NLRP5: variants seen among roughly 807,000 people sequenced by gnomAD.
The protein encoded by NLRP5 is NLR family pyrin domain containing 5.
NLRP5 carries 93 observed loss-of-function variants against 113.1 expected under a neutral mutation model. The ratio of observed to expected loss-of-function variants is 0.82; its 90% CI spans 0.70 to 0.98. The LOEUF is 0.98. Ranked by LOEUF, NLRP5 falls within the 50% of genes least tolerant of loss-of-function variation. The pLI is 0.00. For synonymous variants in NLRP5, 751 were observed against 600.7 expected, an observed-to-expected ratio of 1.25 and a Z score of -3.66; for missense variants, 1,808 against 1,514.3, an observed-to-expected ratio of 1.19 and a Z score of -3.22.
intron 3 of NLRP5, among the ~76,000 whole-genome samples, chr19:56,010,742 CAA>C (rs1412317286): frequency 2.4e-5 from 1 of 41,270 alleles, no homozygotes; most frequent in Non-Finnish European, 4.3e-5. Context: ...AACTCTGTCT[CAA>C]AAAAAAAAAA....
chr19:56,030,339 C>A (rs1983048005), intron 7 of NLRP5, among the ~76,000 whole-genome samples: 1 of 151,932 alleles, frequency 6.6e-6, no homozygotes, highest in African/African-American at 2.4e-5. Flanking sequence ...CACTGTGCTC[C>A]AACCTGGGTG....
At chr19:55,991,104 T>G in the NLRP5 span, among the ~76,000 whole-genome samples, 14 of 152,322 alleles carry the variant, frequency 9.2e-5, no homozygotes, top group African/African-American at 3.4e-4. Flanking sequence ...AGCGGGACTT[T>G]AAAGATTTGT....
At chr19:55,989,574 G>C in the NLRP5 span, among the ~76,000 whole-genome samples, 30,889 of 152,062 alleles carry the variant, frequency 0.2, 3,566 homozygotes, top group Non-Finnish European at 0.26. Flanking sequence ...TAATTTGAAA[G>C]AGCAGCAATA....
chr19:55,991,837 C>A, the NLRP5 span, among the ~76,000 whole-genome samples: 51 of 152,076 alleles, frequency 3.4e-4, no homozygotes, highest in African/African-American at 1.2e-3. Flanking sequence ...GGAGAGAGTA[C>A]AAAACTGAAC....
At chr19:55,998,898 C>T (rs137942976), upstream of NLRP5, among the ~76,000 whole-genome samples, 1 of 151,164 alleles carries the variant, frequency 6.6e-6, no homozygotes, top group Admixed American at 6.6e-5. Context: ...TGTCCATTGC[C>T]TTAGTTACTT....
In NLRP5 at chr19:56,004,042, T is replaced by C; in HGVS notation, c.389T>C (p.Phe130Ser). 6.2e-7 allele frequency: 1 copy of C among 1,613,382 alleles called. No homozygotes were observed. The highest frequency in any genetic ancestry group is 8.5e-7 in the Non-Finnish European group (1 of 1,179,648). The change falls in exon 2 of 15, where the codon TTT becomes TCT. Residue 130 changes from phenylalanine to serine, a missense_variant. Physicochemically the swap from Phe to Ser is radical, Grantham distance 155 (BLOSUM62 -2). Coordinates refer to ENST00000390649, the MANE Select transcript of NLRP5 (RefSeq NM_153447.4). ...GCCTGGGCTACGTCCATTAGCATCT[T>C]TGAAAACATGAACCTGCGAACCCTC...
chr19:56,002,529 T>TA (rs1346326975), intron 1 of NLRP5, among the ~76,000 whole-genome samples: 1 of 151,730 alleles, frequency 6.6e-6, no homozygotes, highest in East Asian at 1.9e-4. Context: ...GTTTGTTACA[T>TA]ATGTATACAC....
At chr19:56,010,741 T>TC (rs201968318) in intron 3 of NLRP5, among the ~76,000 whole-genome samples, 16 of 5,614 alleles carry the variant, frequency 2.9e-3, no homozygotes, top group African/African-American at 8.0e-3. Flanking sequence ...TAACTCTGTC[T>TC]CAAAAAAAAA....
intron 7 of NLRP5, among the ~76,000 whole-genome samples, chr19:56,030,714 C>CTTTTTTTTTTTTTTTTT (rs770624516): frequency 0.013 from 930 of 71,276 alleles, 192 homozygotes; most frequent in East Asian, 0.022. Flanking sequence ...CTTTCTTCTT[C>CTTTTTTTTTTTTTTTTT]TTTTTTTTTT....
In NLRP5 at chr19:56,004,406, G is replaced by A. The variant is rs142016950; in HGVS notation, c.442+311G>A. Among the ~76,000 whole-genome samples, 1,073 of 152,244 alleles carry A rather than the reference G, an allele frequency of 7.0e-3. 14 individuals are homozygous for A. The highest frequency in any genetic ancestry group is 0.024 in the African/African-American group (992 of 41,546). ...TATCACGGGTCGGTTGTGAGACTTCGGGCATGTCTCCTTCTGTTCTGACCC... is the reference window on the plus strand; with the variant it reads ...TATCACGGGTCGGTTGTGAGACTTCAGGCATGTCTCCTTCTGTTCTGACCC... On this transcript the variant is annotated intron_variant, in intron 2 of 14. Coordinates refer to ENST00000390649, the MANE Select transcript of NLRP5 (RefSeq NM_153447.4).
At chr19:56,026,766 C>T (rs886896921) in intron 6 of NLRP5, 147 bp from the exon 7 acceptor site, 35 of 748,404 alleles carry the variant, frequency 4.7e-5, no homozygotes, top group Middle Eastern at 7.8e-4. Flanking sequence ...TTATTAGAGA[C>T]GGGGCTTTGC....
chr19:56,051,335 G>C (rs1983925010), intron 12 of NLRP5, among the ~76,000 whole-genome samples: 1 of 152,144 alleles, frequency 6.6e-6, no homozygotes, highest in African/African-American at 2.4e-5. Context: ...TGGGATTACA[G>C]GCATGTGCCA....
At chr19:56,030,608 C>T (rs113238424) in intron 7 of NLRP5, among the ~76,000 whole-genome samples, 80 of 152,084 alleles carry the variant, frequency 5.3e-4, no homozygotes, top group African/African-American at 1.9e-3. Context: ...ACGTGCGCAG[C>T]CACAGGCTAA....
intron 3 of NLRP5, 50 bp downstream of exon 3, chr19:56,008,903 C>A: frequency 6.6e-7 from 1 of 1,519,130 alleles, no homozygotes; most frequent in Non-Finnish European, 9.1e-7. Flanking sequence ...AGACACATGG[C>A]AGCCAGTTTG....
At chr19:56,006,841 G>A (rs1479201253) in intron 2 of NLRP5, among the ~76,000 whole-genome samples, 1 of 151,720 alleles carries the variant, frequency 6.6e-6, no homozygotes, top group Non-Finnish European at 1.5e-5. Context: ...CCGGGTTCAT[G>A]CCATTCTCCT....
intron 11 of NLRP5, among the ~76,000 whole-genome samples, chr19:56,048,973 T>TA (rs1267313746): frequency 4.2e-5 from 3 of 70,874 alleles, no homozygotes; most frequent in African/African-American, 1.4e-4. Context: ...CTGATTTTTT[T>TA]TTTTAATTTT....
intron 12 of NLRP5, among the ~76,000 whole-genome samples, chr19:56,052,037 T>C (rs1983949193): frequency 6.6e-6 from 1 of 152,204 alleles, no homozygotes; most frequent in Non-Finnish European, 1.5e-5. Context: ...CATCATTTTT[T>C]TGAGATGGCA....
chr19:56,030,711 C>CTTTTTTTTTTTTTTTTTTTTTT lies in NLRP5; in HGVS notation c.2277-1898_2277-1897insTTTTTTTTTTTTTTTTTTTTTT, dbSNP rs1251579019. 2.1e-4 allele frequency among the ~76,000 whole-genome samples: 10 copies of CTTTTTTTTTTTTTTTTTTTTTT among 47,772 alleles called. 1 individual carries two copies. The highest frequency in any genetic ancestry group is 1.4e-3 in the East Asian group (2 of 1,462). The allele number at this position is 47,772 out of a possible 152,430, so 31.3% of individuals were successfully genotyped here. A position where few individuals can be genotyped will look rare whatever the true frequency, so the allele number is the denominator to read the frequency against. Reference sequence around the variant, plus strand: ...TATACTTACATTCATTCGCTTTCTTCTTCTTTTTTTTTTTTTTTTTTGAGA... The same window carrying CTTTTTTTTTTTTTTTTTTTTTT: ...TATACTTACATTCATTCGCTTTCTTCTTTTTTTTTTTTTTTTTTTTTTTTCTTTTTTTTTTTTTTTTTTGAGA... On this transcript the variant is annotated intron_variant, in intron 7 of 14. Coordinates refer to ENST00000390649, the MANE Select transcript of NLRP5 (RefSeq NM_153447.4).
At chr19:56,018,427 T>C (rs1417652974) in intron 4 of NLRP5, among the ~76,000 whole-genome samples, 1 of 152,192 alleles carries the variant, frequency 6.6e-6, no homozygotes, top group Non-Finnish European at 1.5e-5. Context: ...CCAGAGGCTG[T>C]GTTATTACTC....
Sources: allele counts gnomAD v4.1 joint callset (sites outside exome capture counted in the v4.1 genomes callset), GRCh38; gene constraint gnomAD v4.1.1; transcripts MANE v1.5; gene names NCBI Gene and HGNC (gene_info 2026-07-23, HGNC 2026-07-21).